PXDNL: variants seen among roughly 807,000 people sequenced by gnomAD.
PXDNL encodes the protein probable oxidoreductase PXDNL.
In PXDNL, 145 loss-of-function variants were observed where a neutral mutation model predicts 150.8. The observed-to-expected ratio is 0.96, with a 90% CI of 0.84 to 1.10. The LOEUF (loss-of-function observed/expected upper bound fraction) is 1.10. PXDNL is among the 50% of genes least tolerant of loss of function. The pLI, the probability that PXDNL is intolerant of heterozygous loss-of-function variation, is 0.00. For synonymous variants in PXDNL, 757 were observed against 725.7 expected, an observed-to-expected ratio of 1.04 and a Z score of -0.69; for missense variants, 2,087 against 1,873.9, an observed-to-expected ratio of 1.11 and a Z score of -2.10.
intron 4 of PXDNL, among the ~76,000 whole-genome samples, chr8:51,513,041 G>T (rs1585539630): frequency 6.6e-6 from 1 of 152,194 alleles, no homozygotes. Flanking sequence ...CTCTCCCTCT[G>T]CCTCTTGAGT....
chr8:51,468,993 T>C (rs955909474), intron 8 of PXDNL, among the ~76,000 whole-genome samples: 1 of 152,014 alleles, frequency 6.6e-6, no homozygotes. Context: ...AATCACATCT[T>C]TCTTATTGGA....
At chr8:51,616,199 G>A (rs1814126728) in intron 2 of PXDNL, among the ~76,000 whole-genome samples, 1 of 152,162 alleles carries the variant, frequency 6.6e-6, no homozygotes, top group South Asian at 2.1e-4. Flanking sequence ...TTTCAGTCTC[G>A]TATTTTGAAA....
At chr8:51,668,614 G>A (rs1405347762) in intron 1 of PXDNL, among the ~76,000 whole-genome samples, 1 of 152,144 alleles carries the variant, frequency 6.6e-6, no homozygotes, top group Non-Finnish European at 1.5e-5. Flanking sequence ...ATGACTGCTG[G>A]TGCTGTATTT....
intron 1 of PXDNL, among the ~76,000 whole-genome samples, chr8:51,702,877 G>T (rs935115389): frequency 6.6e-6 from 1 of 152,102 alleles, no homozygotes; most frequent in South Asian, 2.1e-4. Flanking sequence ...AAAACTTCCG[G>T]GGTCTGTTTT....
intron 3 of PXDNL, among the ~76,000 whole-genome samples, chr8:51,558,574 TA>T (rs978877319): frequency 2.0e-5 from 3 of 152,070 alleles, no homozygotes; most frequent in African/African-American, 7.2e-5. Flanking sequence ...TTCATAAAGA[TA>T]AAATGAAATC....
intron 11 of PXDNL, 140 bp downstream of exon 11, chr8:51,448,862 T>A (rs1466785290): frequency 1.5e-6 from 1 of 682,252 alleles, no homozygotes; most frequent in East Asian, 2.8e-5. Context: ...TGATGTCATA[T>A]TTAGATCAAA....
chr8:51,326,470 C>T (rs1197635868), intron 21 of PXDNL, among the ~76,000 whole-genome samples: 3 of 152,050 alleles, frequency 2.0e-5, no homozygotes, highest in Non-Finnish European at 4.4e-5. Flanking sequence ...TGCATTCTAG[C>T]CTGGGTGAGT....
At chr8:51,418,195 G>A (rs1459862572) in intron 14 of PXDNL, among the ~76,000 whole-genome samples, 2 of 152,090 alleles carry the variant, frequency 1.3e-5, no homozygotes, top group African/African-American at 2.4e-5. Flanking sequence ...GGTAGATGCT[G>A]TTGTTTACAA....
Position 51,409,107 on chromosome 8 carries a change from G to A in PXDNL, c.2517C>T (p.Asp839=). 1 of 1,609,044 alleles carries A rather than the reference G, an allele frequency of 6.2e-7. No homozygotes were observed. The highest frequency in any genetic ancestry group is 1.1e-5 in the South Asian group (1 of 90,986). ...GRPCSSVCTN[D]PPCFPMNTRH... is the part of the protein sequence containing the mutation. Reference sequence around the variant, plus strand: ...GGGTGTTCATGGGGAAACAAGGAGGGTCGTTGGTGCAGACGGAGCTGCACG... The same window carrying A: ...GGGTGTTCATGGGGAAACAAGGAGGATCGTTGGTGCAGACGGAGCTGCACG... The change falls in exon 17 of 23, where the codon GAC becomes GAT. Residue 839 remains aspartate (D), a synonymous_variant. Transcript: ENST00000356297.
chr8:51,614,752 T>C, intron 2 of PXDNL, among the ~76,000 whole-genome samples: 1 of 152,222 alleles, frequency 6.6e-6, no homozygotes, highest in African/African-American at 2.4e-5. Flanking sequence ...GTATCTGACA[T>C]AGTACAAGAA....
intron 1 of PXDNL, among the ~76,000 whole-genome samples, chr8:51,800,676 T>C (rs2037609154): frequency 6.6e-6 from 1 of 152,242 alleles, no homozygotes; most frequent in Non-Finnish European, 1.5e-5. Flanking sequence ...ATTAATACTT[T>C]CATAATTTCT....
At chr8:51,614,891 A>G (rs1814098730) in intron 2 of PXDNL, among the ~76,000 whole-genome samples, 1 of 152,244 alleles carries the variant, frequency 6.6e-6, no homozygotes, top group African/African-American at 2.4e-5. Flanking sequence ...AAAAAGTACA[A>G]GATGATAGAA....
chr8:51,364,789 G>C (rs185540965), intron 19 of PXDNL, among the ~76,000 whole-genome samples: 20 of 152,260 alleles, frequency 1.3e-4, no homozygotes, highest in African/African-American at 3.4e-4. Flanking sequence ...TTAATAGGAA[G>C]ACTTCACTCT....
chr8:51,399,872 T>C (rs1188211723), intron 17 of PXDNL, among the ~76,000 whole-genome samples: 2 of 152,240 alleles, frequency 1.3e-5, no homozygotes, highest in Non-Finnish European at 2.9e-5. Context: ...TAAAGTTTTC[T>C]ATAAAATATT....
intron 1 of PXDNL, among the ~76,000 whole-genome samples, chr8:51,765,348 G>A (rs2037216858): frequency 3.9e-5 from 6 of 152,132 alleles, no homozygotes; most frequent in Admixed American, 3.9e-4. Flanking sequence ...CTGCCACCAT[G>A]TAAGACATGC....
chr8:51,557,117 A>G (rs1045671157), intron 3 of PXDNL, among the ~76,000 whole-genome samples: 4 of 152,150 alleles, frequency 2.6e-5, no homozygotes, highest in Non-Finnish European at 5.9e-5. Context: ...TCTCAAATGG[A>G]TCCTTGGTTC....
At chr8:51,466,150 T>C (rs1810200220) in intron 8 of PXDNL, among the ~76,000 whole-genome samples, 1 of 152,090 alleles carries the variant, frequency 6.6e-6, no homozygotes, top group South Asian at 2.1e-4. Flanking sequence ...AACATCAAAC[T>C]ATTCTACAAG....
intron 19 of PXDNL, among the ~76,000 whole-genome samples, chr8:51,357,854 C>T (rs954671669): frequency 2.6e-5 from 4 of 152,130 alleles, no homozygotes; most frequent in African/African-American, 4.8e-5. Context: ...ACCTTTAAAG[C>T]TATGCCTACT....
chr8:51,576,981 T>C (rs1323324596), intron 3 of PXDNL, among the ~76,000 whole-genome samples: 1 of 151,952 alleles, frequency 6.6e-6, no homozygotes, highest in Non-Finnish European at 1.5e-5. Flanking sequence ...GCTATAACTA[T>C]TTAAAAAATT....
Sources: gnomAD v4.1 joint callset for allele counts (sites outside exome capture counted in the v4.1 genomes callset) on GRCh38, gnomAD v4.1.1 for gene constraint, MANE v1.5 for transcripts, NCBI Gene and HGNC (gene_info 2026-07-23, HGNC 2026-07-21) for gene names.